The following MAML2 variants were observed in gnomAD, a reference collection of about 807,000 sequenced individuals.
MAML2 encodes mastermind like transcriptional coactivator 2.
Under a neutral mutation model 96.1 loss-of-function variants are expected in MAML2, and 22 were observed. That is an observed-to-expected ratio of 0.23 (90% CI 0.16 to 0.33). The LOEUF is 0.33. Ranked by LOEUF, MAML2 falls within the 10% of genes least tolerant of loss-of-function variation. The probability of loss-of-function intolerance (pLI) is 1.00; values close to 1 mark genes in which losing one functional copy is unlikely to be tolerated. For synonymous variants in MAML2, 561 were observed against 521.3 expected, an observed-to-expected ratio of 1.08 and a Z score of -1.04; for missense variants, 1,367 against 1,392.4, an observed-to-expected ratio of 0.98 and a Z score of 0.29.
At position 95,984,917 on chromosome 11, in the gene MAML2, A is replaced by G. The variant is rs959847843; in HGVS notation, c.2455+614T>C. On this transcript the variant is annotated intron_variant, in intron 4 of 4. Transcript: ENST00000524717. The stretch of plus-strand genomic sequence containing the variant: ...GAGCAATATAGGCTGGGTTTGGGAA[A>G]GGTTCTTTTGGAGTTTCATGAGCGG... Among the ~76,000 whole-genome samples the G allele has an allele frequency of 5.9e-5, 9 of 152,296 alleles. No homozygotes were observed. In the East Asian group the frequency reaches 1.5e-3, roughly 26 times the overall value.
Position 96,173,529 on chromosome 11 carries a change from G to T in MAML2, c.514-80012C>A, listed in dbSNP as rs140736690. On this transcript the variant is annotated intron_variant, in intron 1 of 4. Coordinates refer to ENST00000524717, the MANE Select transcript of MAML2 (RefSeq NM_032427.4). ...GGGGAAGAAACGGGTAGGACACTAA[G>T]AGCTGAGACTGAGCTTTATGGGTCA... Among the ~76,000 whole-genome samples, 3 of 152,282 alleles carry T rather than the reference G, an allele frequency of 2.0e-5. No homozygotes were observed. In the South Asian group the frequency reaches 6.2e-4, roughly 32 times the overall value.
rs978412507 is a variant in MAML2, at chr11:96,046,968, A to G, written c.2139+44924T>C. Among the ~76,000 whole-genome samples, 22 of 152,358 alleles carry G rather than the reference A, an allele frequency of 1.4e-4. No individual in the cohort carries two copies. The East Asian group carries it at 2.5e-3, about 17-fold the overall frequency. ...AGTTTGTTAGAATTGACTCTTGAGT[A>G]AGAGCTTAGCCCAAGACTAGATCAG... On this transcript the variant is annotated intron_variant, in intron 2 of 4. Transcript: ENST00000524717.
chr11:95,997,846 T>C (rs990054493), intron 2 of MAML2, among the ~76,000 whole-genome samples: 2 of 152,180 alleles, frequency 1.3e-5, no homozygotes, highest in Non-Finnish European at 2.9e-5. Context: ...CCACTGCTAG[T>C]ATTTAGTCAT....
intron 1 of MAML2, among the ~76,000 whole-genome samples, chr11:96,101,146 C>A (rs1045150164): frequency 6.6e-6 from 1 of 152,150 alleles, no homozygotes; most frequent in African/African-American, 2.4e-5. Context: ...CAACATACTG[C>A]CCTTCTGAAG....
rs756726941 is a variant in MAML2, at chr11:96,093,242, C to T, written c.789G>A (p.Lys263=). 2.7e-5 allele frequency: 44 copies of T among 1,613,898 alleles called. No individual in the cohort carries two copies. The highest frequency in any genetic ancestry group is 3.7e-5 in the Non-Finnish European group (44 of 1,179,904). The change falls in exon 2 of 5, where the codon AAG becomes AAA. Residue 263 remains lysine (K), a synonymous_variant. Transcript: ENST00000524717. ...PGNGLFNMGL[K]EVKKEPGETL... ...TCTCTCCTGGCTCCTTCTTTACCTC[C>T]TTTAAGCCCATGTTAAACAGGCCAT...
At chr11:96,047,807 G>C (rs1858926253) in intron 2 of MAML2, among the ~76,000 whole-genome samples, 2 of 151,112 alleles carry the variant, frequency 1.3e-5, no homozygotes, top group Non-Finnish European at 2.9e-5. Flanking sequence ...AGCTACTCGG[G>C]AGTCTGAGGC....
chr11:96,266,437 G>A (rs986248121), intron 1 of MAML2, among the ~76,000 whole-genome samples: 2 of 152,086 alleles, frequency 1.3e-5, no homozygotes, highest in Non-Finnish European at 2.9e-5. Flanking sequence ...TGGGCGTGGT[G>A]GTGGGCACCT....
intron 1 of MAML2, among the ~76,000 whole-genome samples, chr11:96,147,450 T>A (rs566452550): frequency 2.6e-5 from 4 of 152,226 alleles, no homozygotes; most frequent in Non-Finnish European, 5.9e-5. Flanking sequence ...CATTAAACCC[T>A]CCCTTAATCA....
intron 1 of MAML2, among the ~76,000 whole-genome samples, chr11:96,125,321 A>G (rs1036448462): frequency 2.6e-5 from 4 of 152,162 alleles, no homozygotes; most frequent in African/African-American, 7.2e-5. Context: ...CACACTGTGC[A>G]GAGATGGTGC....
At chr11:96,338,361 G>A (rs1386818762) in intron 1 of MAML2, among the ~76,000 whole-genome samples, 1 of 152,266 alleles carries the variant, frequency 6.6e-6, no homozygotes, top group Non-Finnish European at 1.5e-5. Flanking sequence ...CCCTGAACTT[G>A]TACTTGAGCT....
chr11:96,307,560 G>T (rs944271318), intron 1 of MAML2, among the ~76,000 whole-genome samples: 3 of 152,124 alleles, frequency 2.0e-5, no homozygotes, highest in Non-Finnish European at 2.9e-5. Context: ...CCATCTTAAA[G>T]CTGCAACTCC....
chr11:96,243,778 C>A (rs1430714116), intron 1 of MAML2, among the ~76,000 whole-genome samples: 3 of 151,854 alleles, frequency 2.0e-5, no homozygotes, highest in Non-Finnish European at 4.4e-5. Flanking sequence ...CTCAGCCTTC[C>A]GAGTAGCTGG....
chr11:96,328,711 T>A (rs1486968448), intron 1 of MAML2, among the ~76,000 whole-genome samples: 1 of 152,204 alleles, frequency 6.6e-6, no homozygotes, highest in Admixed American at 6.5e-5. Flanking sequence ...TAGAAGCAGA[T>A]CCCATGCATT....
At chr11:96,331,882 C>G (rs2136018096) in intron 1 of MAML2, among the ~76,000 whole-genome samples, 1 of 151,372 alleles carries the variant, frequency 6.6e-6, no homozygotes, top group East Asian at 2.0e-4. Flanking sequence ...TGTCTTCTCT[C>G]TAAGGGCTTA....
At chr11:96,228,078 G>A (rs940018167) in intron 1 of MAML2, among the ~76,000 whole-genome samples, 1 of 152,148 alleles carries the variant, frequency 6.6e-6, no homozygotes, top group South Asian at 2.1e-4. Context: ...CTCCAGCCTG[G>A]GGGGAGAAAA....
At position 96,035,005 on chromosome 11, in the gene MAML2, G is replaced by A. The variant is rs115168264; in HGVS notation, c.2140-43282C>T. Among the ~76,000 whole-genome samples the A allele has an allele frequency of 6.4e-3, 970 of 152,240 alleles. 12 individuals carry two copies. The highest frequency in any genetic ancestry group is 0.022 in the African/African-American group (901 of 41,528). On this transcript the variant is annotated intron_variant, in intron 2 of 4. Transcript: ENST00000524717. ...TCTGCTTTCTGAATTATTTGAACCC[G>A]TCCTCATAGGCAAAGGTCCTGGAAT...
chr11:96,312,177 C>G (rs1260781573), intron 1 of MAML2, among the ~76,000 whole-genome samples: 2 of 139,892 alleles, frequency 1.4e-5, no homozygotes, highest in Admixed American at 1.5e-4. Context: ...TGAGATTGTG[C>G]CACCTGCACT....
chr11:96,109,854 T>C (rs1164596351), intron 1 of MAML2, among the ~76,000 whole-genome samples: 1 of 152,058 alleles, frequency 6.6e-6, no homozygotes, highest in East Asian at 1.9e-4. Context: ...TCTGTGCAGA[T>C]TGGGTTGAAA....
Position 96,282,254 on chromosome 11 carries a change from A to AT in MAML2, c.513+59128_513+59129insA, listed in dbSNP as rs1301648075. Among the ~76,000 whole-genome samples the AT allele has an allele frequency of 3.3e-4, 49 of 147,462 alleles. No individual in the cohort carries two copies. The South Asian group carries it at 4.0e-3, about 12-fold the overall frequency. ...ACAGAGCAAGACTCCATCTCAAAAAAAAAATAATAATAATAATAATAATAA... is the reference window on the plus strand; with the variant it reads ...ACAGAGCAAGACTCCATCTCAAAAAATAAAATAATAATAATAATAATAATAA... On this transcript the variant is annotated intron_variant, in intron 1 of 4. Coordinates refer to ENST00000524717, the MANE Select transcript of MAML2 (RefSeq NM_032427.4).
Sources: allele counts gnomAD v4.1 joint callset (sites outside exome capture counted in the v4.1 genomes callset), GRCh38; gene constraint gnomAD v4.1.1; transcripts MANE v1.5; gene names NCBI Gene and HGNC (gene_info 2026-07-23, HGNC 2026-07-21).